PHF20L1: variants seen among roughly 807,000 people sequenced by gnomAD.
PHF20L1 encodes PHD finger protein 20 like 1.
PHF20L1 carries 44 observed loss-of-function variants against 125.5 expected under a neutral mutation model. The observed-to-expected ratio is 0.35, with a 90% CI of 0.28 to 0.45. The LOEUF (loss-of-function observed/expected upper bound fraction) is 0.45. Among genes scored for constraint, PHF20L1 ranks in the 20% least tolerant of loss-of-function variants. PHF20L1 has a pLI of 1.00. For missense variants in PHF20L1, 1,012 were observed against 1,217.2 expected (o/e 0.83, Z 2.51); for synonymous variants, 380 against 403.1 (o/e 0.94, Z 0.69).
chr8:132,842,555 G>C lies in PHF20L1; in HGVS notation c.2428G>C (p.Gly810Arg). Residue 810 changes from glycine (G) to arginine (R), a missense_variant, in exon 19 of 21, where the codon GGG becomes CGG. Physicochemically the swap from Gly to Arg is moderately radical, Grantham distance 125. Around this residue, in one of 7 missense-constraint regions of PHF20L1, gnomAD observed 277 missense variants for 283.6 expected, o/e 0.98. Coordinates refer to ENST00000395386, the MANE Select transcript of PHF20L1 (RefSeq NM_016018.5). ...TGACCTTCATCTCTGGGCTTGTTCC[G>C]GGAAGCGAAAAGACCAAGATCAAAT... ...HPDLHLWACS[G>R]KRKDQDQIIA... 3.7e-6 allele frequency: 6 copies of C among 1,610,602 alleles called. No individual in the cohort carries two copies. Among genetic ancestry groups the C allele is most frequent in the Non-Finnish European group, 5.1e-6 (6 of 1,178,934 alleles).
At chr8:132,829,317 C>G (rs6997016) in intron 14 of PHF20L1, among the ~76,000 whole-genome samples, 8 of 151,854 alleles carry the variant, frequency 5.3e-5, no homozygotes, top group Non-Finnish European at 7.4e-5. Flanking sequence ...GTAACACTTA[C>G]AGCTAAGCGA....
intron 4 of PHF20L1, among the ~76,000 whole-genome samples, chr8:132,796,453 CAG>C (rs753776432): frequency 2.0e-5 from 3 of 151,916 alleles, no homozygotes; most frequent in Non-Finnish European, 4.4e-5. Context: ...AAGAGGAAAA[CAG>C]AGATATATTA....
Position 132,842,731 on chromosome 8 carries a change from T to C in PHF20L1, c.2604T>C (p.Ser868=). Residue 868 remains serine (S), a synonymous_variant, in exon 19 of 21, where the codon AGT becomes AGC. Transcript: ENST00000395386. ...TSEHSYQKPQ[S]FGQDCKSLAD... ...AGCATAGCTATCAAAAGCCACAAAGTTTTGGTCAGGACTGTAAATCTCTCG... is the reference window on the plus strand; with the variant it reads ...AGCATAGCTATCAAAAGCCACAAAGCTTTGGTCAGGACTGTAAATCTCTCG... 1 of 1,613,262 alleles carries C rather than the reference T, an allele frequency of 6.2e-7. No homozygotes were observed. The highest frequency in any genetic ancestry group is 1.1e-5 in the South Asian group (1 of 91,054).
In PHF20L1 at chr8:132,775,406, A is replaced by AGGCGGCGGCGGCGGCGGC. The variant is rs3832583; in HGVS notation, c.-275_-258dup. On this transcript the variant is annotated 5_prime_UTR_variant, in exon 1 of 21. Transcript: ENST00000395386. ...TCGCGTCAGGGCTGGCCGGCGGCGGAGGCGGCGGCGGCGGCGGCGATGGCA... is the reference window on the plus strand; with the variant it reads ...TCGCGTCAGGGCTGGCCGGCGGCGGAGGCGGCGGCGGCGGCGGCGGCGGCGGCGGCGGCGGCGATGGCA... 3 of 382,552 alleles carry AGGCGGCGGCGGCGGCGGC rather than the reference A, an allele frequency of 7.8e-6. No individual in the cohort carries two copies. Among genetic ancestry groups the AGGCGGCGGCGGCGGCGGC allele is most frequent in the South Asian group, 1.3e-4 (1 of 7,844 alleles). The allele number at this position is 382,552 out of a possible 1,614,324, so 23.7% of individuals were successfully genotyped here.
intron 8 of PHF20L1, chr8:132,808,438 A>C (rs936017939): frequency 2.0e-5 from 3 of 152,018 alleles, no homozygotes; most frequent in Non-Finnish European, 4.4e-5. Context: ...TCATCTATTG[A>C]GTATTAAAAA....
chr8:132,832,161 A>C (rs1587048830), intron 14 of PHF20L1, 74 bp from the exon 15 acceptor site: 1 of 941,284 alleles, frequency 1.1e-6, no homozygotes, highest in Non-Finnish European at 1.7e-6. Flanking sequence ...CTGAAACATG[A>C]CTTTCGTTAT....
rs745895732 is a variant in PHF20L1, at chr8:132,837,670, A to G, written c.2092-42A>G. On this transcript the variant is annotated intron_variant, in intron 16 of 20. Transcript: ENST00000395386. Reference sequence around the variant, plus strand: ...GTATCCTTATTCCTAGCTTATTCCTAGTGAGGATCGGGTGACTGTAATACT... The same window carrying G: ...GTATCCTTATTCCTAGCTTATTCCTGGTGAGGATCGGGTGACTGTAATACT... The G allele has an allele frequency of 3.4e-6, 5 of 1,468,326 alleles. No individual in the cohort carries two copies. The South Asian group carries it at 3.4e-5, about 10-fold the overall frequency. The allele number at this position is 1,468,326 out of a possible 1,614,324, so 91.0% of individuals were successfully genotyped here. A position where few individuals can be genotyped will look rare whatever the true frequency, so the allele number is the denominator to read the frequency against.
chr8:132,812,625 T>G, intron 9 of PHF20L1: 2 of 984,844 alleles, frequency 2.0e-6, no homozygotes, highest in South Asian at 9.4e-5. Context: ...CATTTTCTAC[T>G]TGTCATTCAG....
At position 132,847,090 on chromosome 8, in the gene PHF20L1, G is replaced by C. The variant is rs879031255; in HGVS notation, c.*1167G>C. 6.6e-6 allele frequency: 1 copy of C among 152,670 alleles called. No homozygotes were observed. Among genetic ancestry groups the C allele is most frequent in the South Asian group, 2.1e-4 (1 of 4,830 alleles). 9.5% of individuals were successfully genotyped at this position (152,670 alleles called of 1,614,324 possible). On this transcript the variant is annotated 3_prime_UTR_variant, in exon 21 of 21. Transcript: ENST00000395386. ...CTGGATTTTGAGCCTAGGTCCTACT[G>C]TCTGCCAGTACTCATGTGAGTTGTA...
rs562780948 is a variant in PHF20L1 at position 132,816,574 on chromosome 8, A to G, written c.1184-314A>G. 10 of 221,142 alleles carry G rather than the reference A, an allele frequency of 4.5e-5. No homozygotes were observed. In the East Asian group the frequency reaches 1.1e-3, roughly 25 times the overall value. 13.7% of individuals were successfully genotyped at this position (221,142 alleles called of 1,614,324 possible). ...ACTATTTTCCCGAAGGAAAAATGGC[A>G]ATTTACACAACGATCTGCAATTAGA... is the stretch of plus-strand genomic sequence containing the variant. On this transcript the variant is annotated intron_variant, in intron 10 of 20. Transcript: ENST00000395386.
intron 14 of PHF20L1, 71 bp downstream of exon 14, chr8:132,825,442 T>C: frequency 4.7e-6 from 6 of 1,279,896 alleles, no homozygotes; most frequent in Non-Finnish European, 6.2e-6. Flanking sequence ...CCTTTTCTTT[T>C]ACAAAATGGA....
At chr8:132,789,133 A>C (rs951067082) in intron 2 of PHF20L1, 1 of 152,160 alleles carries the variant, frequency 6.6e-6, no homozygotes, top group Non-Finnish European at 1.5e-5. Context: ...TTATGTTTTG[A>C]TAACACTTAA....
chr8:132,823,160 A>G (rs1835783298), intron 12 of PHF20L1, among the ~76,000 whole-genome samples: 1 of 151,890 alleles, frequency 6.6e-6, no homozygotes, highest in Non-Finnish European at 1.5e-5. Context: ...ATGTCTTTGT[A>G]TTTTACATTT....
At chr8:132,792,504 A>G (rs1188364841) in intron 2 of PHF20L1, among the ~76,000 whole-genome samples, 7 of 152,154 alleles carry the variant, frequency 4.6e-5, no homozygotes, top group Non-Finnish European at 8.8e-5. Flanking sequence ...TCCCCCCAAA[A>G]GACTAAGATC....
At position 132,775,571 on chromosome 8, in the gene PHF20L1, C is replaced by A; in HGVS notation, c.-112C>A. The A allele has an allele frequency of 2.8e-6, 1 of 355,918 alleles. No homozygotes were observed. Among genetic ancestry groups the A allele is most frequent in the Non-Finnish European group, 5.1e-6 (1 of 197,976 alleles). The allele number at this position is 355,918 out of a possible 1,614,324, so 22.0% of individuals were successfully genotyped here. The stretch of plus-strand genomic sequence containing the variant: ...CTGGGCGGAGGCAGAGGCAGAGGCC[C>A]GGGCTGGCCGCCCTGCTCGTGCCCC... On this transcript the variant is annotated 5_prime_UTR_variant, in exon 1 of 21. Coordinates refer to ENST00000395386, the MANE Select transcript of PHF20L1 (RefSeq NM_016018.5).
rs1454820722 is a variant in PHF20L1 at position 132,799,154 on chromosome 8, C to G, written c.489C>G (p.Asn163Lys). 6.2e-6 allele frequency: 10 copies of G among 1,608,212 alleles called. No homozygotes were observed. The highest frequency in any genetic ancestry group is 7.7e-6 in the Non-Finnish European group (9 of 1,176,178). ...CCPIDPAGSC[N>K]QSMGSEDWIA... Reference sequence around the variant, plus strand: ...CTATCGACCCAGCTGGATCGTGTAACCAGTCTATGGGAAGTGAGGTAAGAG... The same window carrying G: ...CTATCGACCCAGCTGGATCGTGTAAGCAGTCTATGGGAAGTGAGGTAAGAG... The change falls in exon 6 of 21, where the codon AAC (asparagine) becomes AAG (lysine). Residue 163 changes from asparagine (N) to lysine (K), a missense_variant. Asn to Lys is a moderately conservative substitution (Grantham distance 94, BLOSUM62 0). This residue lies in a region of PHF20L1 where 134 missense variants were observed against 145.9 expected (regional missense o/e 0.92). Transcript: ENST00000395386.
At chr8:132,819,542 C>G (rs1412137232) in intron 12 of PHF20L1, among the ~76,000 whole-genome samples, 1 of 151,650 alleles carries the variant, frequency 6.6e-6, no homozygotes, top group Non-Finnish European at 1.5e-5. Flanking sequence ...CATTGAAATT[C>G]TCGGTGGTCT....
chr8:132,793,361 C>T (rs1831995825), intron 2 of PHF20L1, among the ~76,000 whole-genome samples: 2 of 151,704 alleles, frequency 1.3e-5, no homozygotes, highest in Admixed American at 6.6e-5. Context: ...ATCTGAAAAA[C>T]TCTGAATAGC....
intron 14 of PHF20L1, among the ~76,000 whole-genome samples, chr8:132,830,613 T>G (rs72725191): frequency 0.085 from 12,889 of 152,108 alleles, 767 homozygotes; most frequent in Admixed American, 0.14. Flanking sequence ...CCTCACAGAG[T>G]TGAGAAGACA....
Sources: allele counts gnomAD v4.1 joint callset (sites outside exome capture counted in the v4.1 genomes callset), GRCh38; gene constraint gnomAD v4.1.1; regional missense constraint gnomAD v4.1.1; transcripts MANE v1.5; gene names NCBI Gene and HGNC (gene_info 2026-07-23, HGNC 2026-07-21).